BMAL2: variants seen among roughly 807,000 people sequenced by gnomAD.
BMAL2 encodes the protein basic helix-loop-helix ARNT like 2.
At chr12:27,396,081 T>G in the BMAL2 span, among the ~76,000 whole-genome samples, 5 of 152,190 alleles carry the variant, frequency 3.3e-5, no homozygotes, top group Non-Finnish European at 5.9e-5. Flanking sequence ...AAAGATGTAA[T>G]TAAGGGTAAA....
At chr12:27,393,523 G>A in the BMAL2 span, among the ~76,000 whole-genome samples, 16 of 152,082 alleles carry the variant, frequency 1.1e-4, no homozygotes, top group South Asian at 2.1e-4. Context: ...GAAATGGTAA[G>A]TAGGGATGCC....
the BMAL2 span, among the ~76,000 whole-genome samples, chr12:27,371,516 G>C: frequency 0.011 from 1,610 of 152,262 alleles, 16 homozygotes; most frequent in Non-Finnish European, 0.016. Flanking sequence ...TGCACTTAGA[G>C]GGGGGTGAGC....
At chr12:27,410,653 A>C in the BMAL2 span, among the ~76,000 whole-genome samples, 4 of 152,176 alleles carry the variant, frequency 2.6e-5, no homozygotes, top group African/African-American at 9.7e-5. Context: ...TTAAATGAAG[A>C]GTTAATGGGT....
At chr12:27,345,455 T>G in the BMAL2 span, among the ~76,000 whole-genome samples, 3 of 152,216 alleles carry the variant, frequency 2.0e-5, no homozygotes, top group Non-Finnish European at 4.4e-5. Context: ...TTCTCAGCTT[T>G]AAGATGAGTA....
At chr12:27,338,401 A>G in the BMAL2 span, among the ~76,000 whole-genome samples, 1 of 152,134 alleles carries the variant, frequency 6.6e-6, no homozygotes, top group East Asian at 1.9e-4. Flanking sequence ...TGAAAGAGGG[A>G]CCACAGAAGG....
At chr12:27,347,282 C>T in the BMAL2 span, among the ~76,000 whole-genome samples, 9 of 152,260 alleles carry the variant, frequency 5.9e-5, no homozygotes, top group South Asian at 2.1e-4. Flanking sequence ...CAAGATTACA[C>T]GCTGCATTTT....
chr12:27,402,173 G>C, the BMAL2 span, among the ~76,000 whole-genome samples: 1 of 152,062 alleles, frequency 6.6e-6, no homozygotes. Context: ...AAGTTTTCCT[G>C]ATTTTATAGG....
the BMAL2 span, among the ~76,000 whole-genome samples, chr12:27,419,685 T>C: frequency 6.6e-6 from 1 of 152,210 alleles, no homozygotes; most frequent in East Asian, 1.9e-4. Context: ...AGCAAAGGAC[T>C]TGAAGGAATT....
At chr12:27,382,687 A>C in the BMAL2 span, among the ~76,000 whole-genome samples, 1 of 152,188 alleles carries the variant, frequency 6.6e-6, no homozygotes, top group Non-Finnish European at 1.5e-5. Context: ...CAGCATCCCC[A>C]CACTTGCTCG....
At chr12:27,418,970 C>T in the BMAL2 span, among the ~76,000 whole-genome samples, 1 of 84,826 alleles carries the variant, frequency 1.2e-5, no homozygotes, top group Admixed American at 1.4e-4. Flanking sequence ...CAGAACAAGA[C>T]TCCATCTAAA....
chr12:27,396,517 T>C, the BMAL2 span, among the ~76,000 whole-genome samples: 4 of 152,156 alleles, frequency 2.6e-5, no homozygotes, highest in African/African-American at 9.7e-5. Context: ...TGCCACCTAC[T>C]AGAGTTGCTT....
chr12:27,368,301 T>G, the BMAL2 span: 1 of 1,614,170 alleles, frequency 6.2e-7, no homozygotes, highest in Non-Finnish European at 8.5e-7. Context: ...ATTGCTCCTG[T>G]GGTTTCCAGC....
At chr12:27,402,488 C>A in the BMAL2 span, 2 of 663,060 alleles carry the variant, frequency 3.0e-6, no homozygotes, top group Non-Finnish European at 5.0e-6. Context: ...GGTGGTGATA[C>A]TAACAATATG....
chr12:27,401,393 GGGGAATTTAAAAT>G, the BMAL2 span: 1 of 1,578,384 alleles, frequency 6.3e-7, no homozygotes, highest in Non-Finnish European at 8.7e-7. Flanking sequence ...AATACATTTT[GGGGAATTTAAAAT>G]GACAGTTTTA....
chr12:27,397,246 A>G, the BMAL2 span, among the ~76,000 whole-genome samples: 1 of 151,956 alleles, frequency 6.6e-6, no homozygotes, highest in African/African-American at 2.4e-5. Flanking sequence ...AATTTTTTGT[A>G]TTTTTAGTAG....
At chr12:27,412,174 G>T in the BMAL2 span, among the ~76,000 whole-genome samples, 1 of 152,190 alleles carries the variant, frequency 6.6e-6, no homozygotes, top group Non-Finnish European at 1.5e-5. Flanking sequence ...TACTGCAAGG[G>T]CATTTTAAGA....
At chr12:27,351,674 T>C in the BMAL2 span, among the ~76,000 whole-genome samples, 1 of 152,198 alleles carries the variant, frequency 6.6e-6, no homozygotes, top group Non-Finnish European at 1.5e-5. Flanking sequence ...ATTCCAAGCT[T>C]GTTTAGCCTG....
At chr12:27,368,392 A>G in the BMAL2 span, 15 of 1,614,000 alleles carry the variant, frequency 9.3e-6, no homozygotes, top group African/African-American at 1.3e-5. Context: ...AACGCAAAGG[A>G]AGTGATTCAG....
At chr12:27,385,592 A>C in the BMAL2 span, 1 of 1,420,274 alleles carries the variant, frequency 7.0e-7, no homozygotes. Context: ...TAAGTTGTGT[A>C]TGTGCTTTCA....
Sources: gnomAD v4.1 joint callset for allele counts (sites outside exome capture counted in the v4.1 genomes callset) on GRCh38, gnomAD v4.1.1 for gene constraint, MANE v1.5 for transcripts, NCBI Gene and HGNC (gene_info 2026-07-23, HGNC 2026-07-21) for gene names.